CLOCK: variants seen among roughly 807,000 people sequenced by gnomAD.
CLOCK encodes the protein clock circadian regulator.
In CLOCK, 43 loss-of-function variants were observed where a neutral mutation model predicts 118.4. The observed-to-expected ratio is 0.36, with a 90% CI of 0.28 to 0.47. The LOEUF (loss-of-function observed/expected upper bound fraction) is 0.47. Among genes scored for constraint, CLOCK ranks in the 20% least tolerant of loss-of-function variants. The pLI, the probability that CLOCK is intolerant of heterozygous loss-of-function variation, is 1.00. For missense variants in CLOCK, 846 were observed against 999.9 expected (o/e 0.85, Z 2.08); for synonymous variants, 326 against 339.2 (o/e 0.96, Z 0.43).
intron 17 of CLOCK, 74 bp from the exon 18 acceptor site, chr4:55,448,942 T>C (rs1724184269): frequency 2.7e-6 from 3 of 1,127,370 alleles, no homozygotes; most frequent in East Asian, 4.9e-5. Context: ...GAAATATCAA[T>C]ATGATATTCG....
rs1048452974 is a variant in CLOCK, at chr4:55,432,716, T to C, written c.*2699A>G. 6.6e-6 allele frequency: 1 copy of C among 152,084 alleles called. No individual in the cohort carries two copies. Among genetic ancestry groups the C allele is most frequent in the African/African-American group, 2.4e-5 (1 of 41,424 alleles). 9.4% of individuals were successfully genotyped at this position (152,084 alleles called of 1,614,324 possible). ...GAGGCAGCTGGTGCTTACTACCTCT[T>C]CCACTACTACGCTTCAGACTGACAG... On this transcript the variant is annotated 3_prime_UTR_variant, in exon 23 of 23. Coordinates refer to ENST00000513440, the MANE Select transcript of CLOCK (RefSeq NM_004898.4).
At chr4:55,466,381 A>T (rs1427548141) in intron 8 of CLOCK, among the ~76,000 whole-genome samples, 1 of 152,180 alleles carries the variant, frequency 6.6e-6, no homozygotes, top group Non-Finnish European at 1.5e-5. Flanking sequence ...TCTTTCCTTT[A>T]TAAACTACCC....
chr4:55,448,696 C>G (rs1724154108), intron 18 of CLOCK, 83 bp downstream of exon 18: 2 of 1,071,448 alleles, frequency 1.9e-6, no homozygotes, highest in South Asian at 1.3e-5. Context: ...TGCCAGCAAG[C>G]CTGGATTTTT....
At chr4:55,542,804 G>A (rs1180450422) in intron 1 of CLOCK, among the ~76,000 whole-genome samples, 1 of 151,988 alleles carries the variant, frequency 6.6e-6, no homozygotes, top group Admixed American at 6.6e-5. Context: ...TGTAATCTAC[G>A]AGGCTTTCGT....
intron 2 of CLOCK, among the ~76,000 whole-genome samples, chr4:55,494,364 G>A (rs988013569): frequency 6.6e-6 from 1 of 152,134 alleles, no homozygotes; most frequent in African/African-American, 2.4e-5. Flanking sequence ...GGCAAAAAAG[G>A]ACACTGCAGA....
intron 19 of CLOCK, among the ~76,000 whole-genome samples, chr4:55,444,356 T>C (rs1723613426): frequency 1.3e-5 from 2 of 152,154 alleles, no homozygotes; most frequent in South Asian, 4.1e-4. Flanking sequence ...TTATGTAAAA[T>C]ATAATTTTTA....
intron 9 of CLOCK, among the ~76,000 whole-genome samples, chr4:55,461,576 G>A (rs62303713): frequency 0.25 from 37,436 of 152,042 alleles, 4,940 homozygotes; most frequent in South Asian, 0.37. Context: ...AAACTGAGGA[G>A]TAACTCCATA....
chr4:55,528,858 G>A (rs1471970410), intron 1 of CLOCK, among the ~76,000 whole-genome samples: 1 of 152,180 alleles, frequency 6.6e-6, no homozygotes, highest in Non-Finnish European at 1.5e-5. Context: ...TATCTGTAGA[G>A]CCCATTTCTA....
chr4:55,499,300 T>TA (rs1256442065), intron 2 of CLOCK, among the ~76,000 whole-genome samples: 1 of 152,170 alleles, frequency 6.6e-6, no homozygotes, highest in Non-Finnish European at 1.5e-5. Context: ...TCCATTAACA[T>TA]CCTCTAAAGC....
At position 55,479,622 on chromosome 4, in the gene CLOCK, T is replaced by C; in HGVS notation, c.107+18A>G. 1 of 1,578,514 alleles carries C rather than the reference T, an allele frequency of 6.3e-7. No individual in the cohort carries two copies. The highest frequency in any genetic ancestry group is 8.7e-7 in the Non-Finnish European group (1 of 1,148,492). ...TATTATTCATTCATTTACTATTTTA[T>C]ATCTCTAATCAAACTACCTTTTCGC... On this transcript the variant is annotated intron_variant, in intron 5 of 22. Coordinates refer to ENST00000513440, the MANE Select transcript of CLOCK (RefSeq NM_004898.4).
chr4:55,481,761 G>C (rs533774077), intron 4 of CLOCK, among the ~76,000 whole-genome samples: 87 of 152,298 alleles, frequency 5.7e-4, no homozygotes, highest in African/African-American at 2.0e-3. Flanking sequence ...CAACTTTAAT[G>C]TCAGACAAAC....
intron 1 of CLOCK, among the ~76,000 whole-genome samples, chr4:55,521,782 T>C (rs987853880): frequency 6.6e-6 from 1 of 152,196 alleles, no homozygotes; most frequent in Admixed American, 6.5e-5. Flanking sequence ...TTTACTAATA[T>C]CTTATATTGA....
At chr4:55,521,046 T>C (rs1729816454) in intron 1 of CLOCK, among the ~76,000 whole-genome samples, 1 of 152,232 alleles carries the variant, frequency 6.6e-6, no homozygotes, top group South Asian at 2.1e-4. Context: ...TCCAAGTCTA[T>C]GCTCACGGTT....
chr4:55,506,762 C>T (rs909777939), intron 2 of CLOCK, among the ~76,000 whole-genome samples: 10 of 151,632 alleles, frequency 6.6e-5, no homozygotes, highest in African/African-American at 1.2e-4. Context: ...GGTTTTACCA[C>T]GCTGGCCAGG....
At chr4:55,486,783 GA>G (rs570220996) in intron 3 of CLOCK, among the ~76,000 whole-genome samples, 162 of 152,206 alleles carry the variant, frequency 1.1e-3, no homozygotes, top group African/African-American at 3.7e-3. Context: ...TTTCACTCTG[GA>G]AACTCCCTTG....
intron 7 of CLOCK, among the ~76,000 whole-genome samples, chr4:55,471,513 T>C (rs1726143131): frequency 6.6e-6 from 1 of 152,192 alleles, no homozygotes; most frequent in Admixed American, 6.5e-5. Context: ...TTAATGGGAA[T>C]CTGAATGAAA....
intron 2 of CLOCK, among the ~76,000 whole-genome samples, chr4:55,493,300 TAC>T (rs768691329): frequency 3.9e-5 from 6 of 152,320 alleles, no homozygotes; most frequent in African/African-American, 1.2e-4. Flanking sequence ...AAATTAAAAC[TAC>T]AGTTTTTCCC....
chr4:55,490,860 A>G (rs185087546), intron 2 of CLOCK, among the ~76,000 whole-genome samples: 14 of 152,300 alleles, frequency 9.2e-5, no homozygotes, highest in African/African-American at 2.9e-4. Flanking sequence ...GACATACACA[A>G]AACATTCCAC....
intron 8 of CLOCK, among the ~76,000 whole-genome samples, chr4:55,464,971 T>G (rs1020522574): frequency 6.3e-4 from 96 of 152,330 alleles, no homozygotes; most frequent in African/African-American, 2.3e-3. Context: ...TATCTGTATC[T>G]TTCCCCTTTC....
Sources: allele counts gnomAD v4.1 joint callset (sites outside exome capture counted in the v4.1 genomes callset), GRCh38; gene constraint gnomAD v4.1.1; transcripts MANE v1.5; gene names NCBI Gene and HGNC (gene_info 2026-07-23, HGNC 2026-07-21).